DOCK7: variants seen among roughly 807,000 people sequenced by gnomAD.
The protein encoded by DOCK7 is dedicator of cytokinesis 7.
Under a neutral mutation model 271.0 loss-of-function variants are expected in DOCK7, and 138 were observed. The ratio of observed to expected loss-of-function variants is 0.51; its 90% CI spans 0.44 to 0.59. The LOEUF (loss-of-function observed/expected upper bound fraction) is 0.59, where lower values mean the gene tolerates loss of function less well. Ranked by LOEUF, DOCK7 falls within the 20% of genes least tolerant of loss-of-function variation. The pLI is 0.00. For missense variants in DOCK7, 2,066 were observed against 2,592.4 expected (o/e 0.80, Z 4.41); for synonymous variants, 823 against 876.1 (o/e 0.94, Z 1.07).
At chr1:62,612,245 A>C (rs1651887832) in intron 14 of DOCK7, among the ~76,000 whole-genome samples, 1 of 152,160 alleles carries the variant, frequency 6.6e-6, no homozygotes, top group African/African-American at 2.4e-5. Context: ...CTTTGCTTCA[A>C]AAATATTACC....
chr1:62,559,569 T>C (rs1385705931), intron 19 of DOCK7, among the ~76,000 whole-genome samples: 2 of 152,140 alleles, frequency 1.3e-5, no homozygotes, highest in East Asian at 3.9e-4. Flanking sequence ...CCTTTGGATA[T>C]AAGGCAAACT....
intron 4 of DOCK7, among the ~76,000 whole-genome samples, chr1:62,650,538 C>T (rs1657209858): frequency 6.6e-6 from 1 of 152,082 alleles, no homozygotes; most frequent in African/African-American, 2.4e-5. Flanking sequence ...TTTTTGCAAT[C>T]TACTCATCTG....
chr1:62,650,911 G>T (rs1189725338), intron 4 of DOCK7, among the ~76,000 whole-genome samples: 1 of 152,172 alleles, frequency 6.6e-6, no homozygotes, highest in Non-Finnish European at 1.5e-5. Context: ...TCTAGAACTA[G>T]AAATACTATT....
At chr1:62,489,090 T>A in intron 41 of DOCK7, 25 bp from the exon 42 acceptor site, 10 of 1,543,392 alleles carry the variant, frequency 6.5e-6, no homozygotes, top group Non-Finnish European at 7.8e-6. Flanking sequence ...TTTGTTAAGA[T>A]GTTGCTTTCT....
At chr1:62,577,216 A>T (rs777852400) in intron 18 of DOCK7, 46 bp downstream of exon 18, 2 of 1,233,534 alleles carry the variant, frequency 1.6e-6, no homozygotes, top group East Asian at 5.3e-5. Context: ...ATAGTAAAAA[A>T]CCCATTTCAT....
rs577023747 is a variant in DOCK7, at chr1:62,472,163, G to A, written c.6212+1819C>T. Among the ~76,000 whole-genome samples, 3 of 152,112 alleles carry A rather than the reference G, an allele frequency of 2.0e-5. No homozygotes were observed. The South Asian group carries it at 6.2e-4, about 32-fold the overall frequency. On this transcript the variant is annotated intron_variant, in intron 48 of 49. Coordinates refer to ENST00000635253, the MANE Select transcript of DOCK7 (RefSeq NM_001367561.1). ...CTGTTGCCCAGGCTGGAGTGCAGTGGCATGATCTCGGCTCACTGTAACCTC... is the reference window on the plus strand; with the variant it reads ...CTGTTGCCCAGGCTGGAGTGCAGTGACATGATCTCGGCTCACTGTAACCTC...
At chr1:62,589,216 G>T (rs1427941435) in intron 14 of DOCK7, among the ~76,000 whole-genome samples, 2 of 152,078 alleles carry the variant, frequency 1.3e-5, no homozygotes, top group Middle Eastern at 3.2e-3. Context: ...TCCATTACCT[G>T]CCAGTTTGCA....
intron 16 of DOCK7, among the ~76,000 whole-genome samples, chr1:62,581,739 G>T (rs1647129103): frequency 6.7e-6 from 1 of 149,902 alleles, no homozygotes; most frequent in Non-Finnish European, 1.5e-5. Context: ...ACGGGAAAAA[G>T]AATACTACAG....
At chr1:62,538,086 G>T (rs752979564) in intron 27 of DOCK7, 25 bp from the exon 28 acceptor site, 7 of 1,596,658 alleles carry the variant, frequency 4.4e-6, no homozygotes, top group African/African-American at 2.7e-5. Flanking sequence ...ATAAGTAAGA[G>T]AACACCAATT....
rs72649573 is a variant in DOCK7 at position 62,597,945 on chromosome 1, C to T, written c.1683-11321G>A. 7.5e-3 allele frequency: 11,654 copies of T among 1,551,320 alleles called. 58 individuals are homozygous for T. Among genetic ancestry groups the T allele is most frequent in the Non-Finnish European group, 8.9e-3 (10,331 of 1,157,214 alleles). On this transcript the variant is annotated intron_variant, in intron 14 of 49. Transcript: ENST00000635253. ...TGAACTCAACTCAAAACTTGAAAGCCTCCTAGAAGAAAAAATTCTACTTCA... is the reference window on the plus strand; with the variant it reads ...TGAACTCAACTCAAAACTTGAAAGCTTCCTAGAAGAAAAAATTCTACTTCA...
chr1:62,505,637 A>G (rs1397156988), intron 36 of DOCK7, 45 bp downstream of exon 36: 3 of 1,563,020 alleles, frequency 1.9e-6, no homozygotes, highest in East Asian at 2.3e-5. Context: ...CAATGTTAAT[A>G]AAAAAAACAA....
At chr1:62,561,015 G>A (rs970585553) in intron 19 of DOCK7, among the ~76,000 whole-genome samples, 1 of 152,244 alleles carries the variant, frequency 6.6e-6, no homozygotes. Flanking sequence ...CAAACAGAAA[G>A]AGTGACAGAG....
chr1:62,616,237 G>A (rs1002189974), intron 14 of DOCK7, among the ~76,000 whole-genome samples: 17 of 151,748 alleles, frequency 1.1e-4, no homozygotes, highest in African/African-American at 4.1e-4. Flanking sequence ...CTTCTCACTT[G>A]GTATGAGCGC....
At chr1:62,613,057 A>T (rs1277701152) in intron 14 of DOCK7, among the ~76,000 whole-genome samples, 1 of 152,214 alleles carries the variant, frequency 6.6e-6, no homozygotes, top group Admixed American at 6.5e-5. Flanking sequence ...GTGATCAAGT[A>T]AAAATTTGGA....
chr1:62,477,531 A>G (rs1051384099), intron 44 of DOCK7, among the ~76,000 whole-genome samples, 169 bp downstream of exon 44: 1 of 152,196 alleles, frequency 6.6e-6, no homozygotes, highest in East Asian at 1.9e-4. Context: ...TGCTGCCATA[A>G]AAGATTTGAA....
intron 48 of DOCK7, among the ~76,000 whole-genome samples, chr1:62,460,310 C>CATG (rs1183024757): frequency 1.3e-5 from 2 of 152,008 alleles, no homozygotes; most frequent in East Asian, 1.9e-4. Flanking sequence ...GTTCTGCATG[C>CATG]ATGAATTAGA....
chr1:62,463,541 A>T (rs929114044), intron 48 of DOCK7, among the ~76,000 whole-genome samples: 1 of 152,216 alleles, frequency 6.6e-6, no homozygotes, highest in Non-Finnish European at 1.5e-5. Context: ...GTAACTAAAA[A>T]CAAAACAAAA....
intron 1 of DOCK7, among the ~76,000 whole-genome samples, chr1:62,683,167 G>A (rs1661359991): frequency 1.3e-5 from 2 of 152,190 alleles, no homozygotes; most frequent in African/African-American, 4.8e-5. Flanking sequence ...GAATGTTCTA[G>A]TCTCTCTTTA....
chr1:62,468,443 C>T (rs1483871983), intron 48 of DOCK7, among the ~76,000 whole-genome samples: 2 of 150,992 alleles, frequency 1.3e-5, no homozygotes, highest in African/African-American at 4.9e-5. Flanking sequence ...TATGACAAAT[C>T]CACAGCCAAC....
Sources: allele counts gnomAD v4.1 joint callset (sites outside exome capture counted in the v4.1 genomes callset), GRCh38; gene constraint gnomAD v4.1.1; transcripts MANE v1.5; gene names NCBI Gene and HGNC (gene_info 2026-07-23, HGNC 2026-07-21).